The following KIF5C variants were observed in gnomAD, a reference collection of about 807,000 sequenced individuals.
KIF5C encodes kinesin heavy chain isoform 5C.
KIF5C carries 18 observed loss-of-function variants against 125.2 expected under a neutral mutation model. The ratio of observed to expected loss-of-function variants is 0.14; its 90% CI spans 0.10 to 0.21. The LOEUF is 0.21. Ranked by LOEUF, KIF5C falls within the 10% of genes least tolerant of loss-of-function variation. The probability of loss-of-function intolerance (pLI) is 1.00; values close to 1 mark genes in which losing one functional copy is unlikely to be tolerated. For synonymous variants in KIF5C, 405 were observed against 434.0 expected (o/e 0.93, Z 0.83); for missense variants, 780 against 1,183.8 (o/e 0.66, Z 5.01).
chr2:149,016,983 G>A (rs996933120), intron 25 of KIF5C, among the ~76,000 whole-genome samples: 7 of 152,156 alleles, frequency 4.6e-5, no homozygotes, highest in African/African-American at 1.7e-4. Flanking sequence ...ACCCTAGAAG[G>A]AAGGTGGTCA....
chr2:148,990,394 A>G (rs934355326), intron 15 of KIF5C, among the ~76,000 whole-genome samples: 2 of 152,254 alleles, frequency 1.3e-5, no homozygotes, highest in Non-Finnish European at 2.9e-5. Flanking sequence ...GACTGGTAGT[A>G]GTAATGAAAA....
At chr2:148,894,386 A>G (rs1681781622) in intron 1 of KIF5C, among the ~76,000 whole-genome samples, 1 of 152,214 alleles carries the variant, frequency 6.6e-6, no homozygotes, top group East Asian at 1.9e-4. Context: ...TTTAATGTGA[A>G]CTAAAAGCTG....
intron 11 of KIF5C, among the ~76,000 whole-genome samples, chr2:148,970,933 C>A (rs574751110): frequency 2.4e-4 from 36 of 152,242 alleles, no homozygotes; most frequent in African/African-American, 8.4e-4. Context: ...AGTGAGTTGG[C>A]CTGTGGATAA....
At position 149,023,834 on chromosome 2, in the gene KIF5C, A is replaced by G. The variant is rs1682604864; in HGVS notation, c.*764A>G. On this transcript the variant is annotated 3_prime_UTR_variant, in exon 26 of 26. Coordinates refer to ENST00000435030, the MANE Select transcript of KIF5C (RefSeq NM_004522.3). ...GGCCCGGTTTGAACATCGTTCTTTC[A>G]GAAGTGCTGAAAATGCTGCAAAGTT... The G allele has an allele frequency of 6.6e-6, 1 of 152,212 alleles. No individual in the cohort carries two copies. The highest frequency in any genetic ancestry group is 2.1e-4 in the South Asian group (1 of 4,834). The allele number at this position is 152,212 out of a possible 1,614,324, so 9.4% of individuals were successfully genotyped here. A position where few individuals can be genotyped will look rare whatever the true frequency, so the allele number is the denominator to read the frequency against.
rs1008999512 is a variant in KIF5C, at chr2:148,951,303, A to G, written c.968+841A>G. Among the ~76,000 whole-genome samples the G allele has an allele frequency of 1.9e-4, 29 of 152,206 alleles. 1 individual carries two copies. The highest frequency in any genetic ancestry group is 1.9e-3 in the Admixed American group (29 of 15,288). Reference sequence around the variant, plus strand: ...TGTATGCTGAGAAGAGATGCAGATGACAGCTTCCTACTTTTAAAAATTCCC... The same window carrying G: ...TGTATGCTGAGAAGAGATGCAGATGGCAGCTTCCTACTTTTAAAAATTCCC... On this transcript the variant is annotated intron_variant, in intron 10 of 25. Coordinates refer to ENST00000435030, the MANE Select transcript of KIF5C (RefSeq NM_004522.3).
chr2:148,893,881 G>C (rs1681771774), intron 1 of KIF5C, among the ~76,000 whole-genome samples: 1 of 152,158 alleles, frequency 6.6e-6, no homozygotes, highest in South Asian at 2.1e-4. Flanking sequence ...TATTGCTTTT[G>C]TGCAATTCAC....
chr2:148,977,145 T>C (rs1681099028), intron 12 of KIF5C, among the ~76,000 whole-genome samples: 2 of 152,240 alleles, frequency 1.3e-5, no homozygotes, highest in South Asian at 4.1e-4. Flanking sequence ...GTTTGGGAAA[T>C]GTCTCTGATA....
At chr2:148,992,466 G>A (rs1359562668) in intron 16 of KIF5C, among the ~76,000 whole-genome samples, 4 of 152,010 alleles carry the variant, frequency 2.6e-5, no homozygotes, top group African/African-American at 9.7e-5. Flanking sequence ...AATATTAAAA[G>A]CTTTTATGCA....
chr2:148,875,806 C>G (rs1681164550), intron 1 of KIF5C, 63 bp downstream of exon 1: 3 of 1,547,644 alleles, frequency 1.9e-6, no homozygotes, highest in Non-Finnish European at 1.7e-6. Flanking sequence ...CCCCGACGCC[C>G]CAGACGCAGC....
In KIF5C at chr2:148,942,703, G is replaced by A; in HGVS notation, c.532G>A (p.Glu178Lys). Residue 178 changes from glutamate to lysine, a missense_variant, in exon 7 of 26, where the codon GAG becomes AAG. Physicochemically the swap from Glu to Lys is moderately conservative, Grantham distance 56 (BLOSUM62 1). Coordinates refer to ENST00000435030, the MANE Select transcript of KIF5C (RefSeq NM_004522.3). Reference protein sequence around the residue: ...GCTERFVSSPEEVMDVIDEGK... With the variant: ...GCTERFVSSPKEVMDVIDEGK... ...CACTGAGCGGTTTGTGTCGAGCCCT[G>A]AGGAAGTCATGGATGTAATAGATGA... 1 of 1,611,512 alleles carries A rather than the reference G, an allele frequency of 6.2e-7. No homozygotes were observed. Among genetic ancestry groups the A allele is most frequent in the Non-Finnish European group, 8.5e-7 (1 of 1,179,082 alleles).
At chr2:148,893,419 G>A (rs1558875275) in intron 1 of KIF5C, among the ~76,000 whole-genome samples, 3 of 152,182 alleles carry the variant, frequency 2.0e-5, no homozygotes, top group South Asian at 2.1e-4. Flanking sequence ...CTTTTGCCTT[G>A]ATGACTGTAC....
intron 7 of KIF5C, among the ~76,000 whole-genome samples, chr2:148,943,917 C>G (rs955289547): frequency 2.6e-5 from 4 of 152,146 alleles, no homozygotes; most frequent in African/African-American, 9.7e-5. Context: ...AAATGTTGGT[C>G]AAGCTCCACT....
At chr2:148,942,584 A>T in intron 6 of KIF5C, 89 bp from the exon 7 acceptor site, 1 of 1,536,886 alleles carries the variant, frequency 6.5e-7, no homozygotes, top group Non-Finnish European at 8.8e-7. Context: ...CTGCACCTCT[A>T]GAAGATAAAC....
chr2:148,903,280 A>G (rs912085217), intron 1 of KIF5C, among the ~76,000 whole-genome samples: 3 of 152,180 alleles, frequency 2.0e-5, no homozygotes, highest in African/African-American at 7.2e-5. Flanking sequence ...TGTTAAATAA[A>G]CAGGTCTGCC....
chr2:148,919,504 C>T (rs1005047585), intron 1 of KIF5C, among the ~76,000 whole-genome samples: 3 of 152,160 alleles, frequency 2.0e-5, no homozygotes, highest in African/African-American at 4.8e-5. Context: ...CTGGAGAAAC[C>T]TTTAGCCATG....
chr2:148,938,276 T>A (rs1682334433), intron 4 of KIF5C, among the ~76,000 whole-genome samples: 2 of 152,346 alleles, frequency 1.3e-5, no homozygotes, highest in South Asian at 4.1e-4. Context: ...TTAAACTTTT[T>A]AAACAATTGA....
chr2:149,000,963 C>G (rs1681833591), intron 21 of KIF5C, among the ~76,000 whole-genome samples, 181 bp downstream of exon 21: 1 of 152,216 alleles, frequency 6.6e-6, no homozygotes, highest in Non-Finnish European at 1.5e-5. Flanking sequence ...ATCAGTCAAC[C>G]AATCCATCTA....
chr2:148,992,684 G>T (rs939620810), intron 16 of KIF5C, among the ~76,000 whole-genome samples: 1 of 152,194 alleles, frequency 6.6e-6, no homozygotes, highest in Non-Finnish European at 1.5e-5. Context: ...TTGCATTCCT[G>T]CAGCTAAGAC....
At position 148,924,738 on chromosome 2, in the gene KIF5C, A is replaced by G. The variant is rs1431089408; in HGVS notation, c.217+2511A>G. Among the ~76,000 whole-genome samples the G allele has an allele frequency of 6.6e-6, 1 of 152,196 alleles. No homozygotes were observed. Among genetic ancestry groups the G allele is most frequent in the African/African-American group, 2.4e-5 (1 of 41,442 alleles). ...AAGTACTGTAACTATGTCCCAGCCT[A>G]CAGAAGCCACACCAATCATTTGCCT... On this transcript the variant is annotated intron_variant, in intron 2 of 25. Coordinates refer to ENST00000435030, the MANE Select transcript of KIF5C (RefSeq NM_004522.3). This position sits in a 1 kb window ranked among gnomAD's most constrained non-coding sequence, Gnocchi z 4.0.
Sources: gnomAD v4.1 joint callset for allele counts (sites outside exome capture counted in the v4.1 genomes callset) on GRCh38, gnomAD v4.1.1 for gene constraint, Gnocchi (gnomAD v3.1) non-coding constraint, MANE v1.5 for transcripts, NCBI Gene and HGNC (gene_info 2026-07-23, HGNC 2026-07-21) for gene names.